CTNNA2: variants seen among roughly 807,000 people sequenced by gnomAD.
CTNNA2 encodes catenin alpha 2.
A neutral mutation model predicts 101.0 loss-of-function variants in CTNNA2; 42 were observed. The observed-to-expected ratio is 0.42, with a 90% CI of 0.32 to 0.54. The LOEUF is 0.54. CTNNA2 is among the 20% of genes least tolerant of loss of function. The pLI, the probability that CTNNA2 is intolerant of heterozygous loss-of-function variation, is 0.14. For missense variants in CTNNA2, 871 were observed against 1,223.1 expected (o/e 0.71, Z 4.29); for synonymous variants, 450 against 456.4 (o/e 0.99, Z 0.18).
chr2:80,247,182 C>T (rs1366060213), intron 7 of CTNNA2, among the ~76,000 whole-genome samples: 1 of 152,138 alleles, frequency 6.6e-6, no homozygotes, highest in Non-Finnish European at 1.5e-5. Flanking sequence ...TCTAAAGCTG[C>T]AGACAGTTCA....
At chr2:80,422,094 G>T (rs1215513649) in intron 9 of CTNNA2, among the ~76,000 whole-genome samples, 1 of 152,162 alleles carries the variant, frequency 6.6e-6, no homozygotes, top group African/African-American at 2.4e-5. Flanking sequence ...TCATATGCAA[G>T]ACTGGGTAAT....
In CTNNA2 at chr2:79,636,289, A is replaced by G. The variant is rs865784985; in HGVS notation, c.-5-15263A>G. Among the ~76,000 whole-genome samples the G allele has an allele frequency of 6.8e-3, 995 of 147,314 alleles. 18 individuals are homozygous for G. The highest frequency in any genetic ancestry group is 0.017 in the South Asian group (82 of 4,694). ...TGTCTCAAAAAAAAAAAAAAAAAAAAAAAAAAAAAAGGAAGAAAAAGAAAA... is the reference window on the plus strand; with the variant it reads ...TGTCTCAAAAAAAAAAAAAAAAAAAGAAAAAAAAAAGGAAGAAAAAGAAAA... On this transcript the variant is annotated intron_variant, in intron 1 of 18. Transcript: ENST00000402739.
intron 6 of CTNNA2, among the ~76,000 whole-genome samples, chr2:79,901,257 A>G (rs1276366119): frequency 6.6e-6 from 1 of 151,368 alleles, no homozygotes; most frequent in Non-Finnish European, 1.5e-5. Context: ...GAATGACTGC[A>G]TAGAGGCATG....
At chr2:79,643,625 T>A (rs909867274) in intron 1 of CTNNA2, among the ~76,000 whole-genome samples, 1 of 152,142 alleles carries the variant, frequency 6.6e-6, no homozygotes, top group Non-Finnish European at 1.5e-5. Flanking sequence ...TACCATTGTA[T>A]TACCACTTAG....
intron 7 of CTNNA2, among the ~76,000 whole-genome samples, chr2:80,191,219 GAC>G (rs1573348680): frequency 2.0e-5 from 3 of 152,124 alleles, no homozygotes; most frequent in Admixed American, 2.0e-4. Flanking sequence ...AAAGCCATAA[GAC>G]AGAATAGTAG....
intron 7 of CTNNA2, among the ~76,000 whole-genome samples, chr2:79,921,344 C>T (rs891488482): frequency 2.6e-5 from 4 of 152,138 alleles, no homozygotes; most frequent in African/African-American, 9.7e-5. Flanking sequence ...AAGAAATCAT[C>T]AAGTGAAATA....
intron 1 of CTNNA2, among the ~76,000 whole-genome samples, chr2:79,531,891 A>G (rs775321410): frequency 1.3e-5 from 2 of 152,090 alleles, no homozygotes; most frequent in Non-Finnish European, 2.9e-5. Context: ...CATGTTGGTC[A>G]GGCTGGTCTC....
intron 2 of CTNNA2, among the ~76,000 whole-genome samples, chr2:79,242,891 G>A (rs527930571): frequency 3.7e-4 from 56 of 151,356 alleles, no homozygotes; most frequent in Admixed American, 3.4e-3. Context: ...TTCGTTGAGG[G>A]GGGAGTATGA....
intron 1 of CTNNA2, among the ~76,000 whole-genome samples, chr2:79,532,457 A>C (rs183138025): frequency 5.9e-5 from 9 of 152,308 alleles, no homozygotes; most frequent in African/African-American, 2.2e-4. Context: ...ATTACAATTT[A>C]AAGATGAGTA....
intron 7 of CTNNA2, among the ~76,000 whole-genome samples, chr2:80,160,529 A>G (rs1704248926): frequency 6.6e-6 from 1 of 152,138 alleles, no homozygotes; most frequent in Non-Finnish European, 1.5e-5. Context: ...TTACATCTAA[A>G]TGTGTTCTTT....
At chr2:79,328,470 T>C (rs1676797779) in intron 3 of CTNNA2, among the ~76,000 whole-genome samples, 1 of 152,212 alleles carries the variant, frequency 6.6e-6, no homozygotes, top group Admixed American at 6.5e-5. Context: ...GGGGATCATA[T>C]ATCTGCAGCT....
At chr2:79,921,904 T>C (rs537358397) in intron 7 of CTNNA2, among the ~76,000 whole-genome samples, 16 of 152,272 alleles carry the variant, frequency 1.1e-4, no homozygotes, top group African/African-American at 3.6e-4. Flanking sequence ...TATCAGGACA[T>C]GAGGAGATTT....
At chr2:80,569,632 G>GGTTTTTT (rs1694375452) in intron 12 of CTNNA2, among the ~76,000 whole-genome samples, 3 of 51,766 alleles carry the variant, frequency 5.8e-5, no homozygotes, top group African/African-American at 1.5e-4. Context: ...GGGGTATTTA[G>GGTTTTTT]GTTTTTTTTT....
At chr2:80,441,831 T>G (rs1407876012) in intron 9 of CTNNA2, among the ~76,000 whole-genome samples, 1 of 152,202 alleles carries the variant, frequency 6.6e-6, no homozygotes, top group Non-Finnish European at 1.5e-5. Context: ...CTCGAAGGCC[T>G]GATTCAGAAG....
At chr2:79,634,048 A>G (rs1249755228) in intron 1 of CTNNA2, among the ~76,000 whole-genome samples, 4 of 152,256 alleles carry the variant, frequency 2.6e-5, no homozygotes, top group South Asian at 2.1e-4. Flanking sequence ...CAGAAGACCA[A>G]TGGATTCTTT....
chr2:79,203,911 A>T (rs1674068752), intron 2 of CTNNA2, among the ~76,000 whole-genome samples: 1 of 152,150 alleles, frequency 6.6e-6, no homozygotes, highest in African/African-American at 2.4e-5. Flanking sequence ...GTTGCTTCCC[A>T]TGGTCACCTG....
chr2:80,086,293 T>C (rs1313749904), intron 7 of CTNNA2, among the ~76,000 whole-genome samples: 1 of 152,076 alleles, frequency 6.6e-6, no homozygotes, highest in Non-Finnish European at 1.5e-5. Context: ...AGTTCCTTCC[T>C]TCTATAGGAG....
chr2:80,424,856 G>C (rs909029355), intron 9 of CTNNA2, among the ~76,000 whole-genome samples: 1 of 152,122 alleles, frequency 6.6e-6, no homozygotes, highest in Non-Finnish European at 1.5e-5. Context: ...AAACGCCTTG[G>C]GGAAAAACTG....
intron 1 of CTNNA2, among the ~76,000 whole-genome samples, chr2:79,567,193 G>A (rs1675170499): frequency 6.6e-6 from 1 of 152,120 alleles, no homozygotes; most frequent in Non-Finnish European, 1.5e-5. Flanking sequence ...TTGCATGAGG[G>A]CAATTTAATG....
Sources: allele counts gnomAD v4.1 joint callset (sites outside exome capture counted in the v4.1 genomes callset), GRCh38; gene constraint gnomAD v4.1.1; transcripts MANE v1.5; gene names NCBI Gene and HGNC (gene_info 2026-07-23, HGNC 2026-07-21).